The following TRPC1 variants were observed in gnomAD, a reference collection of about 807,000 sequenced individuals.
The protein encoded by TRPC1 is short transient receptor potential channel 1.
A neutral mutation model predicts 88.2 loss-of-function variants in TRPC1; 42 were observed. The observed-to-expected ratio is 0.48, with a 90% CI of 0.37 to 0.62. TRPC1 has a LOEUF of 0.62. Ranked by LOEUF, TRPC1 falls within the 20% of genes least tolerant of loss-of-function variation. The pLI, the probability that TRPC1 is intolerant of heterozygous loss-of-function variation, is 0.00. For synonymous variants in TRPC1, 288 were observed against 331.8 expected (o/e 0.87, Z 1.43); for missense variants, 699 against 957.3 (o/e 0.73, Z 3.56).
At chr3:142,779,171 A>G (rs1935878128) in intron 5 of TRPC1, among the ~76,000 whole-genome samples, 1 of 152,230 alleles carries the variant, frequency 6.6e-6, no homozygotes, top group Non-Finnish European at 1.5e-5. Context: ...AAGCGATCAT[A>G]GAAACCCATT....
intron 7 of TRPC1, among the ~76,000 whole-genome samples, chr3:142,787,498 AAG>A (rs761524080): frequency 6.6e-6 from 1 of 152,238 alleles, no homozygotes; most frequent in Non-Finnish European, 1.5e-5. Context: ...GGTAGGTAAA[AAG>A]AGAATAATTT....
At chr3:142,763,078 A>G (rs879931650) in intron 4 of TRPC1, among the ~76,000 whole-genome samples, 4 of 152,138 alleles carry the variant, frequency 2.6e-5, no homozygotes, top group Non-Finnish European at 5.9e-5. Flanking sequence ...CTTGTTTTGT[A>G]GCCTAAGATA....
chr3:142,746,819 C>G (rs1012502362), intron 3 of TRPC1, among the ~76,000 whole-genome samples: 3 of 151,894 alleles, frequency 2.0e-5, no homozygotes, highest in Admixed American at 2.0e-4. Flanking sequence ...GATAGTGCCA[C>G]TGCACTCCAG....
At chr3:142,728,799 T>G (rs2108006350) in intron 1 of TRPC1, among the ~76,000 whole-genome samples, 1 of 152,284 alleles carries the variant, frequency 6.6e-6, no homozygotes, top group South Asian at 2.1e-4. Context: ...CCTTTAAAAT[T>G]TTTTTACTTA....
intron 3 of TRPC1, among the ~76,000 whole-genome samples, chr3:142,744,165 G>T (rs1396707160): frequency 1.3e-5 from 2 of 151,946 alleles, no homozygotes; most frequent in Non-Finnish European, 2.9e-5. Context: ...CATAGAAATA[G>T]CAGAAAATAC....
intron 7 of TRPC1, among the ~76,000 whole-genome samples, chr3:142,786,894 CAAATT>C (rs1447802107): frequency 6.6e-6 from 1 of 152,088 alleles, no homozygotes; most frequent in Admixed American, 6.5e-5. Flanking sequence ...GTATAAGAAT[CAAATT>C]AAAGTTTATA....
At chr3:142,770,412 C>A (rs1386339058) in intron 4 of TRPC1, among the ~76,000 whole-genome samples, 2 of 152,104 alleles carry the variant, frequency 1.3e-5, no homozygotes, top group Non-Finnish European at 2.9e-5. Flanking sequence ...CATGTTATAT[C>A]TTCCTGATGG....
chr3:142,780,023 T>G (rs139841532), intron 5 of TRPC1, among the ~76,000 whole-genome samples: 4,676 of 152,088 alleles, frequency 0.031, 255 homozygotes, highest in African/African-American at 0.11. Flanking sequence ...AATTTTTGTA[T>G]TTTTTAGTAG....
In TRPC1 at chr3:142,807,778, TTATAGAGTGCC is replaced by T. The variant is rs1164905607; in HGVS notation, c.*1546_*1556del. On this transcript the variant is annotated 3_prime_UTR_variant, in exon 13 of 13. Coordinates refer to ENST00000476941, the MANE Select transcript of TRPC1 (RefSeq NM_001251845.2). Reference sequence around the variant, plus strand: ...AAAAAACACCTAATTATTAAAACATTTATAGAGTGCCTACTGTATGCATGAGTTGAGTTGCT... The same window carrying T: ...AAAAAACACCTAATTATTAAAACATTTACTGTATGCATGAGTTGAGTTGCT... 1 of 152,208 alleles carries T rather than the reference TTATAGAGTGCC, an allele frequency of 6.6e-6. No individual in the cohort carries two copies. Among genetic ancestry groups the T allele is most frequent in the Non-Finnish European group, 1.5e-5 (1 of 68,044 alleles). The allele number at this position is 152,208 out of a possible 1,614,324, so 9.4% of individuals were successfully genotyped here.
At chr3:142,803,667 T>C (rs1322163076) in intron 10 of TRPC1, among the ~76,000 whole-genome samples, 5 of 152,174 alleles carry the variant, frequency 3.3e-5, no homozygotes, top group Non-Finnish European at 7.3e-5. Flanking sequence ...TGAGAGTCAT[T>C]TGAAGGTTTT....
intron 2 of TRPC1, among the ~76,000 whole-genome samples, chr3:142,739,333 C>G (rs1934258056): frequency 6.6e-6 from 1 of 152,144 alleles, no homozygotes. Context: ...GGTTAAGTAA[C>G]TTGCCCAAAG....
intron 3 of TRPC1, among the ~76,000 whole-genome samples, chr3:142,745,470 C>G (rs1415394955): frequency 6.6e-6 from 1 of 152,064 alleles, no homozygotes; most frequent in African/African-American, 2.4e-5. Flanking sequence ...ATGGAGAAAC[C>G]CCATCTCTAC....
chr3:142,733,192 C>G (rs988558194), intron 1 of TRPC1, among the ~76,000 whole-genome samples: 1 of 152,022 alleles, frequency 6.6e-6, no homozygotes, highest in Admixed American at 6.6e-5. Context: ...TCTTGTATAG[C>G]TCCTTGACTA....
At chr3:142,739,005 C>T (rs925517307) in intron 2 of TRPC1, among the ~76,000 whole-genome samples, 5 of 151,986 alleles carry the variant, frequency 3.3e-5, no homozygotes, top group Non-Finnish European at 4.4e-5. Context: ...GAGTTTCGCT[C>T]TTGTTGCCCA....
intron 4 of TRPC1, among the ~76,000 whole-genome samples, chr3:142,760,267 T>C (rs979835061): frequency 2.0e-5 from 3 of 152,188 alleles, no homozygotes; most frequent in Non-Finnish European, 2.9e-5. Context: ...TTGTGAGAGA[T>C]TGGGGTCTAG....
At chr3:142,775,277 A>G (rs1443731864) in intron 4 of TRPC1, among the ~76,000 whole-genome samples, 1 of 152,210 alleles carries the variant, frequency 6.6e-6, no homozygotes, top group East Asian at 1.9e-4. Flanking sequence ...TTAAATGAAG[A>G]TTTGGAATTT....
In TRPC1 at chr3:142,733,357, C is replaced by CA. The variant is rs1175444989; in HGVS notation, c.173-3017dup. On this transcript the variant is annotated intron_variant, in intron 1 of 12. Transcript: ENST00000476941. ...TGAAACCACATCTCTACTAAAAATA[C>CA]AAAAATTAGCCGGGCGTGGTGGCAG... 2.0e-5 allele frequency among the ~76,000 whole-genome samples: 3 copies of CA among 152,108 alleles called. No homozygotes were observed. In the South Asian group the frequency reaches 6.2e-4, roughly 32 times the overall value.
intron 5 of TRPC1, among the ~76,000 whole-genome samples, chr3:142,780,334 TTAAA>T (rs1284715366): frequency 1.3e-5 from 2 of 152,254 alleles, no homozygotes; most frequent in East Asian, 3.9e-4. Context: ...AATGAGCACT[TTAAA>T]TATGAATCAA....
In TRPC1 at chr3:142,761,012, TG is replaced by T. The variant is rs535579458; in HGVS notation, c.632+12553del. On this transcript the variant is annotated intron_variant, in intron 4 of 12. Coordinates refer to ENST00000476941, the MANE Select transcript of TRPC1 (RefSeq NM_001251845.2). ...GGTGGAGTATTTAGGGTTTTTTTGA[TG>T]TAAGATCATGTCATCTGAGAACAAG... Among the ~76,000 whole-genome samples the T allele has an allele frequency of 3.7e-4, 57 of 152,296 alleles. No individual in the cohort carries two copies. In the South Asian group the frequency reaches 0.011, roughly 30 times the overall value.
Sources: allele counts gnomAD v4.1 joint callset (sites outside exome capture counted in the v4.1 genomes callset), GRCh38; gene constraint gnomAD v4.1.1; transcripts MANE v1.5; gene names NCBI Gene and HGNC (gene_info 2026-07-23, HGNC 2026-07-21).